Variants in HPSE2 observed in about 807,000 individuals in gnomAD.
HPSE2 encodes inactive heparanase-2.
Under a neutral mutation model 60.5 loss-of-function variants are expected in HPSE2, and 38 were observed. The observed-to-expected ratio is 0.63, with a 90% confidence interval of 0.48 to 0.82. The LOEUF is 0.82. Ranked by LOEUF, HPSE2 falls within the 40% of genes least tolerant of loss-of-function variation. The pLI, the probability that HPSE2 is intolerant of heterozygous loss-of-function variation, is 0.00. For missense variants in HPSE2, 713 were observed against 740.4 expected (o/e 0.96, Z 0.43); for synonymous variants, 295 against 293.2 (o/e 1.01, Z -0.06).
chr10:98,870,546 G>A (rs1952704786), intron 3 of HPSE2, among the ~76,000 whole-genome samples: 1 of 152,118 alleles, frequency 6.6e-6, no homozygotes, highest in South Asian at 2.1e-4. Flanking sequence ...CTCAGCAATA[G>A]AAGTTGAACC....
intron 3 of HPSE2, among the ~76,000 whole-genome samples, chr10:98,750,434 G>A (rs1190472451): frequency 1.3e-5 from 2 of 152,172 alleles, no homozygotes; most frequent in African/African-American, 4.8e-5. Flanking sequence ...CTCACACTGT[G>A]AAATCATCAC....
intron 9 of HPSE2, among the ~76,000 whole-genome samples, chr10:98,542,706 TCAA>T (rs1481769752): frequency 6.7e-6 from 1 of 150,342 alleles, no homozygotes; most frequent in Non-Finnish European, 1.5e-5. Flanking sequence ...GCCGATGCGA[TCAA>T]CTGGAAGAAA....
intron 3 of HPSE2, among the ~76,000 whole-genome samples, chr10:98,906,903 A>C (rs79646170): frequency 2.3e-5 from 2 of 88,804 alleles, no homozygotes; most frequent in Non-Finnish European, 4.0e-5. Flanking sequence ...ACTCTGTCTC[A>C]AAAAAAAAAA....
the HPSE2 span, among the ~76,000 whole-genome samples, chr10:99,281,522 CTTGA>C: frequency 6.6e-6 from 1 of 151,954 alleles, no homozygotes; most frequent in Non-Finnish European, 1.5e-5. Flanking sequence ...ATTCTCCATT[CTTGA>C]TTATTTCATT....
chr10:99,268,093 CAG>C, the HPSE2 span, among the ~76,000 whole-genome samples: 2 of 152,142 alleles, frequency 1.3e-5, no homozygotes, highest in Admixed American at 6.5e-5. Flanking sequence ...ATCAGAGTAA[CAG>C]AGATTTCTCA....
chr10:98,981,699 T>C (rs1956210776), intron 3 of HPSE2, among the ~76,000 whole-genome samples: 1 of 152,116 alleles, frequency 6.6e-6, no homozygotes, highest in Admixed American at 6.5e-5. Context: ...CTGGTAGCTA[T>C]TTCTACCTCC....
intron 3 of HPSE2, among the ~76,000 whole-genome samples, chr10:98,997,467 C>T (rs1354088292): frequency 1.3e-5 from 2 of 152,080 alleles, no homozygotes; most frequent in Non-Finnish European, 2.9e-5. Flanking sequence ...TCTTAGAGGC[C>T]TTTGATTAGA....
intron 3 of HPSE2, among the ~76,000 whole-genome samples, chr10:98,880,344 G>A (rs191597586): frequency 1.7e-4 from 26 of 151,846 alleles, no homozygotes; most frequent in African/African-American, 6.3e-4. Flanking sequence ...ACTCTTTTTT[G>A]CCCCCTTCAA....
chr10:98,540,442 G>C (rs916994869), intron 9 of HPSE2, among the ~76,000 whole-genome samples: 34 of 152,316 alleles, frequency 2.2e-4, no homozygotes, highest in African/African-American at 6.7e-4. Context: ...GGACCCTAAA[G>C]ATGTAGTAGG....
intron 3 of HPSE2, among the ~76,000 whole-genome samples, chr10:98,971,778 C>A (rs1955959834): frequency 1.3e-5 from 2 of 152,022 alleles, no homozygotes; most frequent in South Asian, 4.2e-4. Context: ...CTTTATAGAC[C>A]CACATGAGAA....
intron 3 of HPSE2, among the ~76,000 whole-genome samples, chr10:99,002,785 T>C (rs1009014772): frequency 1.1e-4 from 16 of 152,034 alleles, no homozygotes; most frequent in Non-Finnish European, 2.1e-4. Flanking sequence ...AAAATAAAAA[T>C]TACAAAATAC....
At chr10:98,978,630 C>T (rs1022970058) in intron 3 of HPSE2, among the ~76,000 whole-genome samples, 3 of 152,212 alleles carry the variant, frequency 2.0e-5, no homozygotes, top group East Asian at 1.9e-4. Flanking sequence ...ATTTTCTTTA[C>T]GTAGGTATTC....
chr10:98,945,103 T>G (rs1044408665), intron 3 of HPSE2, among the ~76,000 whole-genome samples: 3 of 152,160 alleles, frequency 2.0e-5, no homozygotes, highest in Non-Finnish European at 2.9e-5. Flanking sequence ...GCAAATTGCT[T>G]TGCTGAAATC....
intron 3 of HPSE2, among the ~76,000 whole-genome samples, chr10:99,107,873 C>T (rs1038441369): frequency 1.3e-5 from 2 of 152,144 alleles, no homozygotes; most frequent in Non-Finnish European, 1.5e-5. Flanking sequence ...CTAAGTATTT[C>T]CTGGATTCAT....
intron 2 of HPSE2, among the ~76,000 whole-genome samples, chr10:99,146,311 A>T (rs1343309009): frequency 6.6e-6 from 1 of 152,206 alleles, no homozygotes; most frequent in Non-Finnish European, 1.5e-5. Context: ...TTCATCTATT[A>T]TAGAGACTGA....
intron 9 of HPSE2, among the ~76,000 whole-genome samples, chr10:98,525,705 G>A (rs369256891): frequency 2.6e-5 from 4 of 152,146 alleles, no homozygotes; most frequent in African/African-American, 4.8e-5. Flanking sequence ...TTTGGATCTC[G>A]CAAGTGCAGG....
the HPSE2 span, among the ~76,000 whole-genome samples, chr10:99,305,955 A>ACG: frequency 3.6e-5 from 1 of 27,528 alleles, no homozygotes; most frequent in African/African-American, 2.4e-4. Flanking sequence ...ATCCAAACTC[A>ACG]CACACACGCG....
At chr10:98,999,832 C>T (rs552240855) in intron 3 of HPSE2, among the ~76,000 whole-genome samples, 162 of 152,250 alleles carry the variant, frequency 1.1e-3, no homozygotes, top group Admixed American at 2.4e-3. Context: ...TTAAGCTTAA[C>T]AGTGTTGCCT....
chr10:99,166,736 A>G (rs946997007), intron 2 of HPSE2, among the ~76,000 whole-genome samples: 3 of 150,008 alleles, frequency 2.0e-5, no homozygotes, highest in African/African-American at 7.3e-5. Flanking sequence ...AGAGTTCTTT[A>G]TATGTTCTGG....
Sources: gnomAD v4.1 joint callset for allele counts (sites outside exome capture counted in the v4.1 genomes callset) on GRCh38, gnomAD v4.1.1 for gene constraint, MANE v1.5 for transcripts, NCBI Gene and HGNC (gene_info 2026-07-23, HGNC 2026-07-21) for gene names.